SLC35B4: variants seen among roughly 807,000 people sequenced by gnomAD.
The protein encoded by SLC35B4 is solute carrier family 35 member B4, also known as nucleotide sugar transporter SLC35B4.
In SLC35B4, 28 loss-of-function variants were observed where a neutral mutation model predicts 39.5. That is an observed-to-expected ratio of 0.71 (90% confidence interval 0.53 to 0.97). The LOEUF is 0.97. SLC35B4 is among the 50% of genes least tolerant of loss of function. The probability of loss-of-function intolerance (pLI) is 0.00; values close to 1 mark genes in which losing one functional copy is unlikely to be tolerated. For missense variants in SLC35B4, 334 were observed against 414.3 expected, an observed-to-expected ratio of 0.81 and a Z score of 1.68; for synonymous variants, 145 against 150.4, an observed-to-expected ratio of 0.96 and a Z score of 0.26.
upstream of SLC35B4, among the ~76,000 whole-genome samples, chr7:134,320,021 C>A (rs1298056667): frequency 6.6e-6 from 1 of 152,142 alleles, no homozygotes; most frequent in Admixed American, 6.5e-5. Flanking sequence ...AAAACAAACC[C>A]AAAATCTTCA....
rs767315078 is a variant in SLC35B4, at chr7:134,301,717, A to C, written c.487+44T>G. 1.9e-6 allele frequency: 3 copies of C among 1,559,992 alleles called. No individual in the cohort carries two copies. In the South Asian group the frequency reaches 3.4e-5, roughly 18 times the overall value. On this transcript the variant is annotated intron_variant, in intron 6 of 9. Transcript: ENST00000378509. ...TCTCTTAGGAGAAAACTCAGCAAAC[A>C]CAACTGCAGAGGCAATTAGCTTTAT...
chr7:134,317,028 C>T (rs938954688), upstream of SLC35B4: 1 of 425,840 alleles, frequency 2.3e-6, no homozygotes, highest in Non-Finnish European at 4.2e-6. Context: ...ACCTTTACCT[C>T]AGGATGCGAC....
At chr7:134,316,432 C>T (rs757475726) in intron 1 of SLC35B4, among the ~76,000 whole-genome samples, 20 of 152,240 alleles carry the variant, frequency 1.3e-4, no homozygotes, top group Non-Finnish European at 2.8e-4. Context: ...CTTCCCCTCG[C>T]AGGAATGCTT....
chr7:134,296,327 G>A (rs1167142027), intron 9 of SLC35B4, 64 bp downstream of exon 9: 22 of 1,356,306 alleles, frequency 1.6e-5, no homozygotes, highest in Admixed American at 3.5e-5. Flanking sequence ...AGAAAAGAAT[G>A]ACCATTCCTG....
intron 7 of SLC35B4, 78 bp downstream of exon 7, chr7:134,300,074 A>G: frequency 9.6e-7 from 1 of 1,042,608 alleles, no homozygotes. Flanking sequence ...ACTACATCAG[A>G]GAATATTAAT....
chr7:134,302,473 G>C (rs751046859), intron 4 of SLC35B4, among the ~76,000 whole-genome samples: 5 of 152,132 alleles, frequency 3.3e-5, no homozygotes, highest in African/African-American at 7.2e-5. Flanking sequence ...CCTGTCTTTA[G>C]GGGGACCAAA....
chr7:134,309,750 G>A (rs1429074458), intron 1 of SLC35B4, among the ~76,000 whole-genome samples: 1 of 152,174 alleles, frequency 6.6e-6, no homozygotes, highest in Non-Finnish European at 1.5e-5. Context: ...CCAGAACTAC[G>A]ATACAGCTTT....
chr7:134,318,020 A>G (rs1332455878), upstream of SLC35B4, among the ~76,000 whole-genome samples: 2 of 152,190 alleles, frequency 1.3e-5, no homozygotes, highest in African/African-American at 4.8e-5. Context: ...AGGATTTTGG[A>G]ATGCTATATT....
chr7:134,293,951 C>T lies in SLC35B4; in HGVS notation c.*882G>A, dbSNP rs1414468171. ...GGGATTACAGGCATGCGCCATCACA[C>T]CCAGCTAATTTTCGTATTTTTAGTA... On this transcript the variant is annotated 3_prime_UTR_variant, in exon 10 of 10. Transcript: ENST00000378509. 1 of 152,340 alleles carries T rather than the reference C, an allele frequency of 6.6e-6. No homozygotes were observed. Among genetic ancestry groups the T allele is most frequent in the African/African-American group, 2.4e-5 (1 of 41,440 alleles). 9.4% of individuals were successfully genotyped at this position (152,340 alleles called of 1,614,324 possible).
intron 1 of SLC35B4, among the ~76,000 whole-genome samples, chr7:134,312,296 G>C (rs1476671413): frequency 6.6e-6 from 1 of 152,122 alleles, no homozygotes; most frequent in Non-Finnish European, 1.5e-5. Context: ...TCCAAAAGAG[G>C]CTTCAAAGTT....
At chr7:134,316,611 C>G in intron 1 of SLC35B4, 64 bp downstream of exon 1, 11 of 1,513,316 alleles carry the variant, frequency 7.3e-6, no homozygotes, top group South Asian at 2.4e-5. Flanking sequence ...CCCGGGGGGA[C>G]CTCTCCTCTG....
At position 134,301,831 on chromosome 7, in the gene SLC35B4, A is replaced by G; in HGVS notation, c.427-10T>C. On this transcript the variant is annotated splice_polypyrimidine_tract_variant and intron_variant, in intron 5 of 9. Transcript: ENST00000378509. ...AGCTGGACTGGGAAGTCTAGGAAATAAGAAAATAAACTAGGTACAGAGAGC... is the reference window on the plus strand; with the variant it reads ...AGCTGGACTGGGAAGTCTAGGAAATGAGAAAATAAACTAGGTACAGAGAGC... 1 of 1,613,788 alleles carries G rather than the reference A, an allele frequency of 6.2e-7. No homozygotes were observed. Among genetic ancestry groups the G allele is most frequent in the South Asian group, 1.1e-5 (1 of 91,060 alleles).
At chr7:134,298,003 C>T (rs546797673) in intron 8 of SLC35B4, among the ~76,000 whole-genome samples, 1 of 152,276 alleles carries the variant, frequency 6.6e-6, no homozygotes, top group South Asian at 2.1e-4. Flanking sequence ...CTCAATGGCT[C>T]AGTTTTTTTG....
At chr7:134,303,287 C>G (rs1027831693) in intron 4 of SLC35B4, among the ~76,000 whole-genome samples, 1 of 152,042 alleles carries the variant, frequency 6.6e-6, no homozygotes, top group Non-Finnish European at 1.5e-5. Flanking sequence ...TGAGAAAGAC[C>G]CGTAACATTT....
At chr7:134,312,395 T>C (rs1042061043) in intron 1 of SLC35B4, among the ~76,000 whole-genome samples, 2 of 147,644 alleles carry the variant, frequency 1.4e-5, no homozygotes, top group Admixed American at 1.3e-4. Context: ...AGGTGGCTGC[T>C]TCCAGGGAGC....
At chr7:134,305,059 C>T (rs144761018) in intron 3 of SLC35B4, among the ~76,000 whole-genome samples, 3 of 152,296 alleles carry the variant, frequency 2.0e-5, no homozygotes, top group South Asian at 2.1e-4. Context: ...CGGTGGCTCA[C>T]GCCCGTAATC....
Position 134,316,919 on chromosome 7 carries a change from G to T in SLC35B4, c.-168C>A. The T allele has an allele frequency of 1.6e-6, 1 of 626,248 alleles. No individual in the cohort carries two copies. Among genetic ancestry groups the T allele is most frequent in the Non-Finnish European group, 2.8e-6 (1 of 362,342 alleles). The allele number at this position is 626,248 out of a possible 1,614,324, so 38.8% of individuals were successfully genotyped here. A position where few individuals can be genotyped will look rare whatever the true frequency, so the allele number is the denominator to read the frequency against. On this transcript the variant is annotated 5_prime_UTR_variant, in exon 1 of 10. Coordinates refer to ENST00000378509, the MANE Select transcript of SLC35B4 (RefSeq NM_032826.5). ...CTCCCCTTCTCCCGCGGCCAACACC[G>T]ACGCTGCCAAGAAGCTGTAGTTCGC...
rs1186683645 is a variant in SLC35B4 at position 134,309,499 on chromosome 7, A to C, written c.78-20T>G. On this transcript the variant is annotated intron_variant, in intron 1 of 9. Transcript: ENST00000378509. ...TGCTTCCTGTATAGTGAATAATAAA[A>C]GAGGGGGTGAAGGCACAAAAACTGA... 3.3e-5 allele frequency: 51 copies of C among 1,558,814 alleles called. No individual in the cohort carries two copies. In the East Asian group the frequency reaches 1.1e-3, roughly 35 times the overall value.
At chr7:134,301,492 C>A in intron 6 of SLC35B4, among the ~76,000 whole-genome samples, 1 of 152,174 alleles carries the variant, frequency 6.6e-6, no homozygotes, top group Non-Finnish European at 1.5e-5. Flanking sequence ...ATGTGATGTG[C>A]AAGTAGACAC....
Sources: allele counts gnomAD v4.1 joint callset (sites outside exome capture counted in the v4.1 genomes callset), GRCh38; gene constraint gnomAD v4.1.1; transcripts MANE v1.5; gene names NCBI Gene and HGNC (gene_info 2026-07-23, HGNC 2026-07-21).